The following ERBB4 variants were observed in gnomAD, a reference collection of about 807,000 sequenced individuals.
ERBB4 encodes receptor tyrosine-protein kinase erbB-4.
ERBB4 carries 42 observed loss-of-function variants against 158.0 expected under a neutral mutation model. The ratio of observed to expected loss-of-function variants is 0.27; its 90% CI spans 0.21 to 0.34. The LOEUF (loss-of-function observed/expected upper bound fraction) is 0.34. ERBB4 is among the 10% of genes least tolerant of loss of function. The pLI is 1.00. For synonymous variants in ERBB4, 583 were observed against 558.7 expected (o/e 1.04, Z -0.61); for missense variants, 1,333 against 1,624.1 (o/e 0.82, Z 3.08).
intron 12 of ERBB4, among the ~76,000 whole-genome samples, chr2:211,696,089 C>T (rs2073013607): frequency 1.6e-5 from 2 of 125,918 alleles, no homozygotes; most frequent in Admixed American, 9.2e-5. Context: ...TTCCTTTCTT[C>T]CTCTCTCTCT....
intron 20 of ERBB4, among the ~76,000 whole-genome samples, chr2:211,548,790 C>T (rs1055845709): frequency 2.0e-5 from 3 of 152,042 alleles, no homozygotes; most frequent in Non-Finnish European, 4.4e-5. Flanking sequence ...CCATGAAGCC[C>T]TGTCTACACC....
intron 1 of ERBB4, among the ~76,000 whole-genome samples, chr2:212,411,280 T>C (rs941411551): frequency 6.6e-6 from 1 of 152,170 alleles, no homozygotes; most frequent in Non-Finnish European, 1.5e-5. Flanking sequence ...CAAGCAGTCC[T>C]TAAATGCCTC....
At chr2:211,920,960 A>G (rs1254118812) in intron 3 of ERBB4, among the ~76,000 whole-genome samples, 1 of 150,362 alleles carries the variant, frequency 6.7e-6, no homozygotes, top group African/African-American at 2.4e-5. Context: ...TATATTTGAC[A>G]CACTACAATC....
At chr2:211,720,156 T>G (rs1019063447) in intron 7 of ERBB4, among the ~76,000 whole-genome samples, 7 of 152,314 alleles carry the variant, frequency 4.6e-5, no homozygotes, top group Non-Finnish European at 8.8e-5. Flanking sequence ...CCGATGCATT[T>G]TTAGTAGCAT....
At chr2:212,426,169 T>C (rs2091907101) in intron 1 of ERBB4, 1 of 412,612 alleles carries the variant, frequency 2.4e-6, no homozygotes, top group Non-Finnish European at 4.8e-6. Flanking sequence ...AGTTTGAATG[T>C]GATATCACTC....
intron 20 of ERBB4, among the ~76,000 whole-genome samples, chr2:211,491,481 T>A (rs1041341796): frequency 9.9e-5 from 15 of 152,036 alleles, no homozygotes; most frequent in African/African-American, 3.4e-4. Context: ...TGCTCATAAG[T>A]GGTTAATACA....
At chr2:211,963,947 G>C (rs770989990) in intron 2 of ERBB4, among the ~76,000 whole-genome samples, 2 of 152,128 alleles carry the variant, frequency 1.3e-5, no homozygotes, top group African/African-American at 2.4e-5. Context: ...CTCACAGGGA[G>C]GAACAAATGA....
chr2:212,421,138 T>C (rs2091782639), intron 1 of ERBB4, among the ~76,000 whole-genome samples: 2 of 152,142 alleles, frequency 1.3e-5, no homozygotes, highest in Non-Finnish European at 2.9e-5. Context: ...AAAGATGATA[T>C]ATTTCAAAGA....
intron 25 of ERBB4, 105 bp from the exon 26 acceptor site, chr2:211,388,097 A>G (rs2062725899): frequency 1.2e-6 from 1 of 834,034 alleles, no homozygotes; most frequent in Non-Finnish European, 2.1e-6. Context: ...CGTATGAACC[A>G]AAGGGGAAAA....
chr2:211,424,132 A>G (rs2063573356), intron 23 of ERBB4, 23 bp downstream of exon 23: 6 of 1,605,672 alleles, frequency 3.7e-6, no homozygotes, highest in Non-Finnish European at 5.1e-6. Context: ...GATGATGGTG[A>G]TAACATTATT....
chr2:211,696,769 A>T (rs563950430), intron 12 of ERBB4, among the ~76,000 whole-genome samples: 1 of 152,168 alleles, frequency 6.6e-6, no homozygotes, highest in East Asian at 1.9e-4. Flanking sequence ...TCCTGGGTTC[A>T]AGTAATTCTC....
intron 17 of ERBB4, among the ~76,000 whole-genome samples, chr2:211,627,172 T>C (rs2069892292): frequency 6.6e-6 from 1 of 152,162 alleles, no homozygotes; most frequent in African/African-American, 2.4e-5. Flanking sequence ...AACTGTAGTT[T>C]ACAATACTTC....
rs1343098040 is a variant in ERBB4 at position 211,788,033 on chromosome 2, C to A, written c.548G>T (p.Ser183Ile). Reference sequence around the variant, plus strand: ...AGAATAATTCTACTTACATCCTGAACTACCATTTGTTGACACAAGAGTCAA... The same window carrying A: ...AGAATAATTCTACTTACATCCTGAAATACCATTTGTTGACACAAGAGTCAA... ...SNLTLVSTNG[S>I]SGCGRCHKSC... Residue 183 changes from serine to isoleucine, a missense_variant, in exon 4 of 28, where the codon AGT becomes ATT. By Grantham distance (142) the Ser-to-Ile change is moderately radical (BLOSUM62 -2). Coordinates refer to ENST00000342788, the MANE Select transcript of ERBB4 (RefSeq NM_005235.3). The A allele has an allele frequency of 1.9e-6, 3 of 1,613,512 alleles. No individual in the cohort carries two copies. In the South Asian group the frequency reaches 3.3e-5, roughly 18 times the overall value.
chr2:211,754,463 G>A (rs1017846724), intron 4 of ERBB4, among the ~76,000 whole-genome samples: 21 of 148,078 alleles, frequency 1.4e-4, no homozygotes, highest in Middle Eastern at 7.5e-3. Context: ...GTGCAGTGGC[G>A]CAATCTTGGC....
chr2:211,953,218 A>T (rs2080925883), intron 2 of ERBB4, among the ~76,000 whole-genome samples: 1 of 152,022 alleles, frequency 6.6e-6, no homozygotes, highest in Non-Finnish European at 1.5e-5. Context: ...CAAGGACCAC[A>T]GTAGTAAACA....
intron 3 of ERBB4, among the ~76,000 whole-genome samples, chr2:211,932,488 G>C (rs1333277047): frequency 6.6e-6 from 1 of 151,790 alleles, no homozygotes; most frequent in African/African-American, 2.4e-5. Context: ...TTTTCCAAAG[G>C]ACATTCCCTA....
At position 212,464,446 on chromosome 2, in the gene ERBB4, T is replaced by C. The variant is rs374655845; in HGVS notation, c.82+74003A>G. On this transcript the variant is annotated intron_variant, in intron 1 of 27. Transcript: ENST00000342788. ...TTTGTTTTATACATTTGTAAACAGG[T>C]AAGAACAGATTTTTTTCATAGCAAT... 2.7e-4 allele frequency among the ~76,000 whole-genome samples: 41 copies of C among 152,234 alleles called. No individual in the cohort carries two copies. The South Asian group carries it at 8.1e-3, about 30-fold the overall frequency.
intron 1 of ERBB4, among the ~76,000 whole-genome samples, chr2:212,398,434 A>T (rs1446572482): frequency 1.3e-5 from 2 of 152,130 alleles, no homozygotes; most frequent in African/African-American, 4.8e-5. Context: ...AAACATAATA[A>T]AATTTTATGG....
chr2:211,529,131 G>T (rs1251646654), intron 20 of ERBB4, among the ~76,000 whole-genome samples: 1 of 143,818 alleles, frequency 7.0e-6, no homozygotes, highest in Non-Finnish European at 1.5e-5. Flanking sequence ...AAAGAGAGGA[G>T]ACCCAAATTA....
Sources: allele counts gnomAD v4.1 joint callset (sites outside exome capture counted in the v4.1 genomes callset), GRCh38; gene constraint gnomAD v4.1.1; transcripts MANE v1.5; gene names NCBI Gene and HGNC (gene_info 2026-07-23, HGNC 2026-07-21).